The following UQCC1 variants were observed in gnomAD, a reference collection of about 807,000 sequenced individuals.
UQCC1 encodes ubiquinol-cytochrome c reductase complex assembly factor 1.
A neutral mutation model predicts 48.0 loss-of-function variants in UQCC1; 38 were observed. The observed-to-expected ratio is 0.79, with a 90% CI of 0.61 to 1.04. The LOEUF is 1.04. Among genes scored for constraint, UQCC1 ranks in the 50% least tolerant of loss-of-function variants. UQCC1 has a pLI of 0.00. For synonymous variants in UQCC1, 111 were observed against 129.2 expected (o/e 0.86, Z 0.95); for missense variants, 368 against 381.8 (o/e 0.96, Z 0.30).
At chr20:35,335,356 C>T (rs1017896678) in intron 7 of UQCC1, among the ~76,000 whole-genome samples, 2 of 152,068 alleles carry the variant, frequency 1.3e-5, no homozygotes, top group Non-Finnish European at 2.9e-5. Context: ...AGTGGAAAGA[C>T]TAAATGTCTA....
At chr20:35,411,795 A>T in intron 1 of UQCC1, 145 bp downstream of exon 1, 2 of 1,091,210 alleles carry the variant, frequency 1.8e-6, no homozygotes, top group African/African-American at 1.5e-5. Flanking sequence ...AAGCTGCCTC[A>T]GTTTCCCCAC....
intron 6 of UQCC1, among the ~76,000 whole-genome samples, chr20:35,353,652 T>C (rs2061515823): frequency 6.6e-6 from 1 of 151,658 alleles, no homozygotes; most frequent in Admixed American, 6.6e-5. Context: ...ATTAGCCAAA[T>C]GTGGTGGTAA....
intron 8 of UQCC1, chr20:35,309,318 G>A (rs2060964186): frequency 2.6e-6 from 1 of 389,040 alleles, no homozygotes; most frequent in South Asian, 1.9e-5. Flanking sequence ...TGTAGTCCCA[G>A]CTACTCGGGA....
Position 35,369,365 on chromosome 20 carries a change from A to T in UQCC1, c.407-2751T>A, listed in dbSNP as rs554987456. On this transcript the variant is annotated intron_variant, in intron 5 of 9. Transcript: ENST00000374385. ...AAAAATACAGCAGATTCTTTAGTTC[A>T]ATGAAATGCATTTAAACACTTCAAA... Among the ~76,000 whole-genome samples the T allele has an allele frequency of 4.6e-5, 7 of 152,390 alleles. No homozygotes were observed. The South Asian group carries it at 1.2e-3, about 27-fold the overall frequency.
intron 5 of UQCC1, among the ~76,000 whole-genome samples, chr20:35,372,664 G>C (rs544332292): frequency 6.6e-6 from 1 of 152,286 alleles, no homozygotes; most frequent in East Asian, 1.9e-4. Flanking sequence ...CCAAGAGTTT[G>C]AGACCAGCCT....
chr20:35,407,451 G>GA (rs35724563), intron 1 of UQCC1, among the ~76,000 whole-genome samples: 84,083 of 150,322 alleles, frequency 0.56, 24,151 homozygotes, highest in East Asian at 0.71. Context: ...GGCAATAAAA[G>GA]AAAAAAAAAT....
At chr20:35,304,628 C>T (rs1040836109) in intron 9 of UQCC1, 9 of 157,952 alleles carry the variant, frequency 5.7e-5, no homozygotes, top group African/African-American at 2.2e-4. Flanking sequence ...GGCACTCACG[C>T]TTTAAACATA....
chr20:35,369,930 A>C (rs1228585704), intron 5 of UQCC1, among the ~76,000 whole-genome samples: 1 of 152,190 alleles, frequency 6.6e-6, no homozygotes, highest in Non-Finnish European at 1.5e-5. Flanking sequence ...TAAGGGTTAA[A>C]GACAAAGCAG....
chr20:35,363,028 T>TAAAAAAAAAAAAAAAAAAAAAAAAA (rs60988214), intron 6 of UQCC1, among the ~76,000 whole-genome samples: 1 of 80,698 alleles, frequency 1.2e-5, no homozygotes, highest in African/African-American at 4.4e-5. Flanking sequence ...TCCTTAAAAC[T>TAAAAAAAAAAAAAAAAAAAAAAAAA]AAAAAAAAAA....
intron 7 of UQCC1, among the ~76,000 whole-genome samples, chr20:35,326,713 A>G (rs2061199138): frequency 6.6e-6 from 1 of 152,190 alleles, no homozygotes; most frequent in Non-Finnish European, 1.5e-5. Context: ...GGAGGCTGCT[A>G]ATTGCACCCT....
At chr20:35,375,976 T>C (rs1014500997) in intron 4 of UQCC1, among the ~76,000 whole-genome samples, 15 of 133,810 alleles carry the variant, frequency 1.1e-4, no homozygotes, top group Non-Finnish European at 1.9e-4. Flanking sequence ...AAAAGGAAAA[T>C]TGAAGCCAAA....
intron 7 of UQCC1, among the ~76,000 whole-genome samples, chr20:35,341,660 G>A (rs1390935764): frequency 6.6e-6 from 1 of 152,214 alleles, no homozygotes; most frequent in African/African-American, 2.4e-5. Context: ...GCTGGAAGAA[G>A]GGTAGATATA....
intron 6 of UQCC1, among the ~76,000 whole-genome samples, chr20:35,354,844 C>T (rs1012648790): frequency 2.6e-4 from 40 of 152,160 alleles, no homozygotes; most frequent in Non-Finnish European, 4.6e-4. Context: ...TAACAACTTA[C>T]GAAACCTATT....
chr20:35,371,452 C>T (rs1009782009), intron 5 of UQCC1, among the ~76,000 whole-genome samples: 6 of 151,396 alleles, frequency 4.0e-5, no homozygotes, highest in Non-Finnish European at 8.8e-5. Context: ...ATTCTCCTGC[C>T]TTGGCCTCCC....
intron 7 of UQCC1, among the ~76,000 whole-genome samples, chr20:35,338,880 A>ATATATATATATAT (rs1568666082): frequency 3.3e-5 from 2 of 60,492 alleles, no homozygotes; most frequent in Admixed American, 1.4e-4. Context: ...AAAAAAAAAA[A>ATATATATATATAT]AAAAAAAAAA....
chr20:35,404,098 G>A (rs182708070), intron 1 of UQCC1, among the ~76,000 whole-genome samples: 22 of 151,938 alleles, frequency 1.4e-4, no homozygotes, highest in Admixed American at 9.2e-4. Flanking sequence ...TTAGCCAGGC[G>A]TGGCCGGGCG....
intron 1 of UQCC1, among the ~76,000 whole-genome samples, chr20:35,407,203 G>A (rs1008047267): frequency 3.3e-5 from 5 of 152,138 alleles, no homozygotes; most frequent in African/African-American, 4.8e-5. Flanking sequence ...TGAGGTGGGC[G>A]GATCACTTGA....
chr20:35,374,364 C>T, intron 4 of UQCC1, 108 bp from the exon 5 acceptor site: 1 of 759,916 alleles, frequency 1.3e-6, no homozygotes, highest in South Asian at 2.1e-5. Context: ...AAGGAAGGGT[C>T]CAAACCACTC....
intron 6 of UQCC1, among the ~76,000 whole-genome samples, chr20:35,348,934 T>C (rs532953933): frequency 1.3e-5 from 2 of 152,304 alleles, no homozygotes; most frequent in African/African-American, 4.8e-5. Flanking sequence ...GGATTACAGG[T>C]GTGAGGCACC....
Sources: gnomAD v4.1 joint callset for allele counts (sites outside exome capture counted in the v4.1 genomes callset) on GRCh38, gnomAD v4.1.1 for gene constraint, MANE v1.5 for transcripts, NCBI Gene and HGNC (gene_info 2026-07-23, HGNC 2026-07-21) for gene names.